Variants in STRA8 observed in about 807,000 individuals in gnomAD.
STRA8 encodes the protein stimulated by retinoic acid gene 8 protein homolog.
In STRA8, 18 loss-of-function variants were observed where a neutral mutation model predicts 37.1. The ratio of observed to expected loss-of-function variants is 0.48; its 90% confidence interval spans 0.34 to 0.72. The LOEUF (loss-of-function observed/expected upper bound fraction) is 0.72. Among genes scored for constraint, STRA8 ranks in the 30% least tolerant of loss-of-function variants. The probability of loss-of-function intolerance (pLI) is 0.01; values close to 1 mark genes in which losing one functional copy is unlikely to be tolerated. For synonymous variants in STRA8, 168 were observed against 162.9 expected (o/e 1.03, Z -0.24); for missense variants, 357 against 410.4 (o/e 0.87, Z 1.13).
In STRA8 at chr7:135,245,405, GGAGGAAGAAGAA is replaced by G; in HGVS notation, c.477_488del (p.Glu175_Glu178del). On this transcript the variant is annotated inframe_deletion, in exon 5 of 9. Transcript: ENST00000662584. ...AAGAGGAAGATCAAGAAGAAGAGGA[GGAGGAAGAAGAA>G]GAGGAGGAGGAGGAAGAGGAGGAAG... is the stretch of plus-strand genomic sequence containing the variant. The G allele has an allele frequency of 2.9e-6, 2 of 699,944 alleles. No homozygotes were observed. Among genetic ancestry groups the G allele is most frequent in the Non-Finnish European group, 5.2e-6 (2 of 381,510 alleles). The allele number at this position is 699,944 out of a possible 1,614,324, so 43.4% of individuals were successfully genotyped here.
In STRA8 at chr7:135,240,855, G is replaced by C. The variant is rs573712236; in HGVS notation, c.192+139G>C. Reference sequence around the variant, plus strand: ...GGGTAGCGACAAATGCCCTAGACAGGGTAATTTATAAACAACAGAAGTTTA... The same window carrying C: ...GGGTAGCGACAAATGCCCTAGACAGCGTAATTTATAAACAACAGAAGTTTA... On this transcript the variant is annotated intron_variant, in intron 2 of 8. Coordinates refer to ENST00000662584, the MANE Select transcript of STRA8 (RefSeq NM_001394401.1). The C allele has an allele frequency of 5.7e-5, 52 of 906,744 alleles. 2 individuals are homozygous for C. The South Asian group carries it at 7.2e-4, about 13-fold the overall frequency. The allele number at this position is 906,744 out of a possible 1,614,324, so 56.2% of individuals were successfully genotyped here. A position where few individuals can be genotyped will look rare whatever the true frequency, so the allele number is the denominator to read the frequency against.
chr7:135,241,597 C>G (rs1195323386), intron 2 of STRA8, among the ~76,000 whole-genome samples: 2 of 152,212 alleles, frequency 1.3e-5, no homozygotes, highest in African/African-American at 2.4e-5. Flanking sequence ...GTGCACACTT[C>G]AAAGCTGGGC....
At chr7:135,258,294 A>T (rs937902034) in intron 8 of STRA8, 124 bp from the exon 9 acceptor site, 10 of 686,218 alleles carry the variant, frequency 1.5e-5, no homozygotes, top group Non-Finnish European at 2.4e-5. Context: ...GTGAAAATGC[A>T]GCGGAAGAGA....
chr7:135,238,884 C>T (rs1832418196), intron 1 of STRA8, among the ~76,000 whole-genome samples: 1 of 152,154 alleles, frequency 6.6e-6, no homozygotes, highest in African/African-American at 2.4e-5. Flanking sequence ...GGGGCCTCTG[C>T]AGATTGGTGC....
intron 1 of STRA8, among the ~76,000 whole-genome samples, chr7:135,237,621 T>C (rs1832396882): frequency 6.6e-6 from 1 of 152,024 alleles, no homozygotes; most frequent in Admixed American, 6.6e-5. Context: ...CCACCGGGCG[T>C]GGTGGCTCAC....
At chr7:135,257,595 T>C (rs910313960) in intron 8 of STRA8, among the ~76,000 whole-genome samples, 5 of 152,168 alleles carry the variant, frequency 3.3e-5, no homozygotes, top group African/African-American at 4.8e-5. Flanking sequence ...CAGCTAATTT[T>C]TTTGTATTTT....
Position 135,233,923 on chromosome 7 carries a change from T to C in STRA8, c.-7+20T>C, listed in dbSNP as rs1832328539. 2.0e-5 allele frequency among the ~76,000 whole-genome samples: 3 copies of C among 152,062 alleles called. No homozygotes were observed. The highest frequency in any genetic ancestry group is 7.2e-5 in the African/African-American group (3 of 41,400). On this transcript the variant is annotated intron_variant, in intron 1 of 8. Transcript: ENST00000662584. ...TGGCGAGTAAGTATCCTTTGAACGC[T>C]CCTCTCCAGAAAGGTGCCCTTGGGC... is the stretch of plus-strand genomic sequence containing the variant.
At chr7:135,254,943 A>G (rs1351497431) in intron 7 of STRA8, among the ~76,000 whole-genome samples, 171 bp from the exon 8 acceptor site, 6 of 152,356 alleles carry the variant, frequency 3.9e-5, no homozygotes, top group African/African-American at 1.4e-4. Flanking sequence ...GATTCCAGAC[A>G]TGATATGTGA....
rs1562967301 is a variant in STRA8 at position 135,234,096 on chromosome 7, TG to T, written c.-7+194del. ...TGATTCTGGATGATGATGATGATGA[TG>T]ATGATGATTATTATTATTATCATTT... is the stretch of plus-strand genomic sequence containing the variant. On this transcript the variant is annotated intron_variant, in intron 1 of 8. Transcript: ENST00000662584. 3.2e-3 allele frequency among the ~76,000 whole-genome samples: 472 copies of T among 149,762 alleles called. 1 individual carries two copies. Among genetic ancestry groups the T allele is most frequent in the African/African-American group, 7.6e-3 (309 of 40,476 alleles).
At chr7:135,249,239 T>C (rs1320258408) in intron 6 of STRA8, among the ~76,000 whole-genome samples, 1 of 152,226 alleles carries the variant, frequency 6.6e-6, no homozygotes, top group Non-Finnish European at 1.5e-5. Context: ...ATAATTGATA[T>C]TCAGTAATGG....
chr7:135,241,591 A>G (rs1832464919), intron 2 of STRA8, among the ~76,000 whole-genome samples: 1 of 152,112 alleles, frequency 6.6e-6, no homozygotes, highest in South Asian at 2.1e-4. Flanking sequence ...GATTCTGTGC[A>G]CACTTCAAAG....
intron 8 of STRA8, among the ~76,000 whole-genome samples, chr7:135,256,370 G>T (rs985662270): frequency 6.6e-6 from 1 of 152,146 alleles, no homozygotes; most frequent in Admixed American, 6.5e-5. Flanking sequence ...TGGACCAGTT[G>T]TCCCCTCTTT....
chr7:135,231,930 C>G, upstream of STRA8: 2 of 1,557,916 alleles, frequency 1.3e-6, no homozygotes, highest in Non-Finnish European at 1.8e-6. Context: ...TAGTGAGAGG[C>G]CACCAGGAGG....
chr7:135,251,734 C>A, intron 6 of STRA8, 62 bp from the exon 7 acceptor site: 1 of 1,552,516 alleles, frequency 6.4e-7, no homozygotes, highest in South Asian at 1.1e-5. Context: ...CCCCAGCAGC[C>A]CAGGGCAAGC....
chr7:135,235,834 C>T (rs1184608876), intron 1 of STRA8, among the ~76,000 whole-genome samples: 1 of 152,134 alleles, frequency 6.6e-6, no homozygotes, highest in Non-Finnish European at 1.5e-5. Context: ...TAAGGCCAAA[C>T]ATGGTGGCTC....
In STRA8 at chr7:135,243,370, G is replaced by T. The variant is rs1274784358; in HGVS notation, c.313G>T (p.Val105Phe). The T allele has an allele frequency of 3.7e-6, 6 of 1,614,122 alleles. No homozygotes were observed. The highest frequency in any genetic ancestry group is 5.1e-6 in the Non-Finnish European group (6 of 1,179,996). ...EDGHASSLEE[V>F]KKEYASMYSG... ...TGGGCATGCAAGCAGCTTAGAGGAG[G>T]TCAAGAAAGAATATGCCAGCATGTA... Residue 105 changes from valine (V) to phenylalanine (F), a missense_variant, in exon 4 of 9, where the codon GTC (valine) becomes TTC (phenylalanine). By Grantham distance (50) the Val-to-Phe change is conservative (BLOSUM62 -1). Transcript: ENST00000662584.
At chr7:135,243,469 ACTGTCTGGTGGCAACTCACC>A in intron 4 of STRA8, 59 bp downstream of exon 4, 7 of 1,518,862 alleles carry the variant, frequency 4.6e-6, no homozygotes, top group Non-Finnish European at 6.4e-6. Context: ...AGCCATCAGT[ACTGTCTGGTGGCAACTCACC>A]CTTCCTCTCC....
intron 1 of STRA8, among the ~76,000 whole-genome samples, chr7:135,239,083 A>G (rs1005454872): frequency 4.6e-5 from 7 of 152,352 alleles, no homozygotes; most frequent in Admixed American, 3.3e-4. Flanking sequence ...TTCTGAGCTA[A>G]AAAGTGTTTC....
intron 7 of STRA8, among the ~76,000 whole-genome samples, chr7:135,254,761 G>A (rs1190548309): frequency 6.6e-6 from 1 of 152,200 alleles, no homozygotes; most frequent in African/African-American, 2.4e-5. Context: ...CTCAAGATGT[G>A]CGGCGTGCTC....
Sources: allele counts gnomAD v4.1 joint callset (sites outside exome capture counted in the v4.1 genomes callset), GRCh38; gene constraint gnomAD v4.1.1; transcripts MANE v1.5; gene names NCBI Gene and HGNC (gene_info 2026-07-23, HGNC 2026-07-21).